TTYH2: variants seen among roughly 807,000 people sequenced by gnomAD.
TTYH2 encodes the protein tweety family member 2.
Under a neutral mutation model 68.3 loss-of-function variants are expected in TTYH2, and 49 were observed. The observed-to-expected ratio is 0.72, with a 90% CI of 0.57 to 0.91. The LOEUF (loss-of-function observed/expected upper bound fraction) is 0.91, where lower values mean the gene tolerates loss of function less well. Ranked by LOEUF, TTYH2 falls within the 40% of genes least tolerant of loss-of-function variation. The pLI is 0.00. For synonymous variants in TTYH2, 272 were observed against 300.8 expected, an observed-to-expected ratio of 0.90 and a Z score of 0.99; for missense variants, 631 against 700.4, an observed-to-expected ratio of 0.90 and a Z score of 1.12.
intron 3 of TTYH2, among the ~76,000 whole-genome samples, chr17:74,233,812 C>T (rs1285285447): frequency 1.3e-5 from 2 of 152,034 alleles, no homozygotes; most frequent in Non-Finnish European, 2.9e-5. Context: ...TTTTGGGATA[C>T]CAAAACTTCC....
chr17:74,250,042 G>T lies in TTYH2; in HGVS notation c.1023+14G>T. On this transcript the variant is annotated intron_variant, in intron 9 of 13. Transcript: ENST00000269346. ...TCCACTGCAGAGGTAAGGCAGCTGT[G>T]CAGGAAGAGGGGAGCCCCAGATGAA... 1 of 1,613,732 alleles carries T rather than the reference G, an allele frequency of 6.2e-7. No homozygotes were observed. Among genetic ancestry groups the T allele is most frequent in the Non-Finnish European group, 8.5e-7 (1 of 1,179,706 alleles).
intron 9 of TTYH2, 34 bp downstream of exon 9, chr17:74,250,062 G>A (rs372736706): frequency 1.9e-6 from 3 of 1,608,910 alleles, no homozygotes; most frequent in Non-Finnish European, 1.7e-6. Flanking sequence ...GGGAGCCCCA[G>A]ATGAACCCTG....
At position 74,213,701 on chromosome 17, in the gene TTYH2, CGA is replaced by C. The variant is rs1304213009; in HGVS notation, c.118_119del (p.Ser40LeufsTer119). On this transcript the variant is annotated frameshift_variant, in exon 1 of 14. Transcript: ENST00000269346. LOFTEE classifies it high-confidence loss of function. This position sits in a 1 kb window ranked among gnomAD's most constrained non-coding sequence, Gnocchi z 6.1. ...TGAACAGCACCTTCAGCCCCGGCGA[CGA>C]GAGTTACCAGGAGGTAAGTTTACGC... is the stretch of plus-strand genomic sequence containing the variant. ...PVNSTFSPGD[E>X]SYQESLLFLG... 23 of 1,611,638 alleles carry C rather than the reference CGA, an allele frequency of 1.4e-5. No individual in the cohort carries two copies. Among genetic ancestry groups the C allele is most frequent in the Non-Finnish European group, 2.0e-5 (23 of 1,179,094 alleles).
At chr17:74,219,534 C>G (rs533006814) in intron 1 of TTYH2, among the ~76,000 whole-genome samples, 2 of 152,228 alleles carry the variant, frequency 1.3e-5, no homozygotes, top group South Asian at 4.1e-4. Flanking sequence ...TATTCCTGAC[C>G]CCCTAGAAGC....
intron 2 of TTYH2, among the ~76,000 whole-genome samples, chr17:74,228,386 C>A (rs1235104248): frequency 6.6e-6 from 1 of 152,114 alleles, no homozygotes; most frequent in African/African-American, 2.4e-5. Context: ...TTCATCTCCC[C>A]CCACCCCAAC....
rs143190814 is a variant in TTYH2 at position 74,225,406 on chromosome 17, G to A, written c.302+2749G>A. On this transcript the variant is annotated intron_variant, in intron 2 of 13. Coordinates refer to ENST00000269346, the MANE Select transcript of TTYH2 (RefSeq NM_032646.6). ...CAACTCATAGGCTTTGTGAGGGGTC[G>A]GGGTCTTTATTCTAAGAGCCAGGGG... Among the ~76,000 whole-genome samples the A allele has an allele frequency of 3.3e-4, 50 of 152,208 alleles. 1 individual carries two copies. In the East Asian group the frequency reaches 7.5e-3, roughly 23 times the overall value.
chr17:74,248,008 C>T (rs1172798274), intron 6 of TTYH2: 1 of 152,284 alleles, frequency 6.6e-6, no homozygotes. Flanking sequence ...CCCTGCACGG[C>T]ACTGAGTAAG....
Position 74,252,372 on chromosome 17 carries a change from ACCAGGTGGG to A in TTYH2, c.1257_1259+6del. The A allele has an allele frequency of 6.2e-7, 1 of 1,613,256 alleles. No homozygotes were observed. The stretch of plus-strand genomic sequence containing the variant: ...GCCAAGGGCCTGGAAGCACTTCACC[ACCAGGTGGG>A]CTGCCTAGTAAGGAGGGGAGCCTCC... On this transcript the variant is annotated splice_donor_variant and splice_donor_5th_base_variant and coding_sequence_variant and intron_variant, in exon 11 of 14. Transcript: ENST00000269346. LOFTEE classifies it high-confidence loss of function.
chr17:74,243,607 G>A (rs1050314875), intron 5 of TTYH2, 138 bp downstream of exon 5: 46 of 825,222 alleles, frequency 5.6e-5, no homozygotes, highest in Non-Finnish European at 8.1e-5. Flanking sequence ...CCCGTCCTCA[G>A]CACTCAGCAG....
intron 3 of TTYH2, among the ~76,000 whole-genome samples, chr17:74,235,073 C>A (rs530460860): frequency 3.5e-4 from 54 of 152,142 alleles, no homozygotes; most frequent in African/African-American, 1.3e-3. Flanking sequence ...TCGTAAGAAC[C>A]AAGCATAAGC....
At chr17:74,248,359 T>C (rs920625294) in intron 6 of TTYH2, 53 of 986,250 alleles carry the variant, frequency 5.4e-5, no homozygotes, top group Admixed American at 6.1e-5. Flanking sequence ...GCATGGGCCT[T>C]AGCAATCACT....
chr17:74,235,245 G>A (rs1045365300), intron 3 of TTYH2, among the ~76,000 whole-genome samples: 3 of 152,192 alleles, frequency 2.0e-5, no homozygotes, highest in African/African-American at 4.8e-5. Context: ...GTTGGCCTCC[G>A]AGAGTGGAAT....
intron 9 of TTYH2, 60 bp downstream of exon 9, chr17:74,250,088 G>C: frequency 1.3e-6 from 2 of 1,587,384 alleles, no homozygotes; most frequent in Non-Finnish European, 1.7e-6. Flanking sequence ...CCTTTCCCCT[G>C]CCCCGGCCCC....
In TTYH2 at chr17:74,241,266, T is replaced by C. The variant is rs2050497358; in HGVS notation, c.636-2108T>C. Among the ~76,000 whole-genome samples the C allele has an allele frequency of 1.2e-5, 1 of 83,906 alleles. No homozygotes were observed. Among genetic ancestry groups the C allele is most frequent in the Admixed American group, 9.6e-5 (1 of 10,388 alleles). The allele number at this position is 83,906 out of a possible 152,430, so 55.0% of individuals were successfully genotyped here. On this transcript the variant is annotated intron_variant, in intron 4 of 13. Coordinates refer to ENST00000269346, the MANE Select transcript of TTYH2 (RefSeq NM_032646.6). This position sits in a 1 kb window ranked among gnomAD's most constrained non-coding sequence, Gnocchi z 4.1. Reference sequence around the variant, plus strand: ...ACAGACCCGGTATTTATAATACGTGTGTGTGTGTGTGTGTGTGTGTGTGTG... The same window carrying C: ...ACAGACCCGGTATTTATAATACGTGCGTGTGTGTGTGTGTGTGTGTGTGTG...
In TTYH2 at chr17:74,217,136, C is replaced by T. The variant is rs1036374708; in HGVS notation, c.129+3420C>T. 2.0e-5 allele frequency among the ~76,000 whole-genome samples: 3 copies of T among 152,198 alleles called. No homozygotes were observed. Among genetic ancestry groups the T allele is most frequent in the Non-Finnish European group, 2.9e-5 (2 of 68,038 alleles). On this transcript the variant is annotated intron_variant, in intron 1 of 13. Transcript: ENST00000269346. The surrounding 1 kb of genome is among the most constrained non-coding windows in gnomAD (Gnocchi z 4.0). ...ATCCAGCCAGCCCCTCAGGGGAGAC[C>T]AGACACTGATGAGCTCAGTTCTTGA...
chr17:74,254,315 G>A (rs763669393), intron 13 of TTYH2, among the ~76,000 whole-genome samples: 11 of 152,066 alleles, frequency 7.2e-5, no homozygotes, highest in Admixed American at 3.3e-4. Context: ...CTACAGGTGC[G>A]TGCCACAACG....
At chr17:74,256,823 A>G (rs934179947) in intron 13 of TTYH2, 1 of 152,116 alleles carries the variant, frequency 6.6e-6, no homozygotes, top group East Asian at 1.9e-4. Context: ...TAATCTTTGC[A>G]TTTTCAGTAG....
chr17:74,222,788 CTTTT>C lies in TTYH2; in HGVS notation c.302+141_302+144del, dbSNP rs111287638. The C allele has an allele frequency of 3.7e-5, 35 of 935,842 alleles. No individual in the cohort carries two copies. The highest frequency in any genetic ancestry group is 3.6e-4 in the Middle Eastern group (1 of 2,744). 58.0% of individuals were successfully genotyped at this position (935,842 alleles called of 1,614,324 possible). A position where few individuals can be genotyped will look rare whatever the true frequency, so the allele number is the denominator to read the frequency against. ...GCTTGTCCCCAGATGAATGTTGTCC[CTTTT>C]TTTTTTTTTACCAAGCATCAGGAAT... On this transcript the variant is annotated intron_variant, in intron 2 of 13. Transcript: ENST00000269346. The surrounding 1 kb of genome is among the most constrained non-coding windows in gnomAD (Gnocchi z 5.2).
At position 74,222,368 on chromosome 17, in the gene TTYH2, A is replaced by G. The variant is rs1230135759; in HGVS notation, c.130-117A>G. On this transcript the variant is annotated intron_variant, in intron 1 of 13. Coordinates refer to ENST00000269346, the MANE Select transcript of TTYH2 (RefSeq NM_032646.6). This position sits in a 1 kb window ranked among gnomAD's most constrained non-coding sequence, Gnocchi z 5.2. ...GCTTGAACCCTAGGTGGAGCTTGGA[A>G]GGATGGACGAGAGATGCAGCTCAGG... 1.6e-6 allele frequency: 2 copies of G among 1,228,034 alleles called. No individual in the cohort carries two copies. The highest frequency in any genetic ancestry group is 2.2e-6 in the Non-Finnish European group (2 of 898,534). 76.1% of individuals were successfully genotyped at this position (1,228,034 alleles called of 1,614,324 possible).
Sources: gnomAD v4.1 joint callset for allele counts (sites outside exome capture counted in the v4.1 genomes callset) on GRCh38, gnomAD v4.1.1 for gene constraint, Gnocchi (gnomAD v3.1) non-coding constraint, MANE v1.5 for transcripts, NCBI Gene and HGNC (gene_info 2026-07-23, HGNC 2026-07-21) for gene names.